Variants in MEF2A observed in about 807,000 individuals in gnomAD.
MEF2A encodes the protein myocyte enhancer factor 2A.
MEF2A carries 28 observed loss-of-function variants against 55.8 expected under a neutral mutation model. The ratio of observed to expected loss-of-function variants is 0.50; its 90% CI spans 0.37 to 0.69. MEF2A has a LOEUF of 0.69. Ranked by LOEUF, MEF2A falls within the 30% of genes least tolerant of loss-of-function variation. The pLI is 0.00. For missense variants in MEF2A, 528 were observed against 626.2 expected, an observed-to-expected ratio of 0.84 and a Z score of 1.67; for synonymous variants, 239 against 227.1, an observed-to-expected ratio of 1.05 and a Z score of -0.47.
chr15:99,640,001 C>T (rs1398997555), intron 3 of MEF2A, among the ~76,000 whole-genome samples: 2 of 152,074 alleles, frequency 1.3e-5, no homozygotes, highest in African/African-American at 2.4e-5. Flanking sequence ...CGGGACTTAC[C>T]ATAGTGTTGT....
chr15:99,619,100 A>C (rs978890595), intron 2 of MEF2A, among the ~76,000 whole-genome samples: 2 of 152,178 alleles, frequency 1.3e-5, no homozygotes, highest in African/African-American at 4.8e-5. Flanking sequence ...CCAGGCTGTG[A>C]GAGCGGTGGT....
intron 7 of MEF2A, 142 bp from the exon 8 acceptor site, chr15:99,690,099 T>C: frequency 1.3e-6 from 1 of 752,184 alleles, no homozygotes; most frequent in Non-Finnish European, 2.1e-6. Context: ...GTCCCAAGCA[T>C]TTCGGACAAG....
intron 2 of MEF2A, among the ~76,000 whole-genome samples, chr15:99,627,559 C>T (rs1287167120): frequency 6.7e-6 from 1 of 149,990 alleles, no homozygotes; most frequent in Non-Finnish European, 1.5e-5. Flanking sequence ...ATTTTTACAT[C>T]ACAAAACTCA....
chr15:99,645,474 G>A, intron 3 of MEF2A, 87 bp from the exon 4 acceptor site: 2 of 987,892 alleles, frequency 2.0e-6, no homozygotes, highest in Non-Finnish European at 1.5e-6. Flanking sequence ...ATCTGGCTCA[G>A]TATTAAGAAG....
chr15:99,678,570 G>A (rs2052569869), intron 7 of MEF2A: 3 of 703,162 alleles, frequency 4.3e-6, no homozygotes, highest in South Asian at 6.5e-5. Context: ...GTTTATAGGC[G>A]AGTCTTCCAT....
chr15:99,712,103 T>G lies in MEF2A; in HGVS notation c.1137-287T>G, dbSNP rs60066240. 0.22 allele frequency among the ~76,000 whole-genome samples: 33,734 copies of G among 152,198 alleles called. 4,435 individuals carry two copies. The highest frequency in any genetic ancestry group is 0.31 in the South Asian group (1,485 of 4,824). ...TGTCTTTCTGGTCCCTGCACAGCAT[T>G]AAGACACTGACATTGTTTTGTATAC... On this transcript the variant is annotated intron_variant, in intron 11 of 11. Transcript: ENST00000557942. This position sits in a 1 kb window ranked among gnomAD's most constrained non-coding sequence, Gnocchi z 4.1.
At chr15:99,597,289 G>GC (rs1205184646) in intron 1 of MEF2A, among the ~76,000 whole-genome samples, 3 of 152,170 alleles carry the variant, frequency 2.0e-5, no homozygotes, top group South Asian at 2.1e-4. Context: ...CTCTGAACTG[G>GC]CCCCCCGGGT....
At chr15:99,699,307 G>T (rs2057008877) in intron 8 of MEF2A, among the ~76,000 whole-genome samples, 1 of 152,196 alleles carries the variant, frequency 6.6e-6, no homozygotes, top group African/African-American at 2.4e-5. Flanking sequence ...AGTGAATTTT[G>T]CTAAGTAAAA....
chr15:99,631,409 T>A (rs746955067), intron 2 of MEF2A, among the ~76,000 whole-genome samples: 3 of 152,188 alleles, frequency 2.0e-5, no homozygotes, highest in Non-Finnish European at 4.4e-5. Context: ...CTCTAATGTT[T>A]CCTGTTCCCT....
chr15:99,644,311 A>G (rs1281515718), intron 3 of MEF2A, among the ~76,000 whole-genome samples: 2 of 152,374 alleles, frequency 1.3e-5, no homozygotes, highest in East Asian at 3.9e-4. Context: ...TTGAACTACT[A>G]TACCACTGTT....
At chr15:99,596,407 A>C (rs1459440744) in intron 1 of MEF2A, among the ~76,000 whole-genome samples, 3 of 152,146 alleles carry the variant, frequency 2.0e-5, no homozygotes, top group Non-Finnish European at 4.4e-5. Flanking sequence ...AAAAAAAAAA[A>C]ACTTGTTTAT....
At position 99,706,839 on chromosome 15, in the gene MEF2A, G is replaced by A. The variant is rs780683078; in HGVS notation, c.993G>A (p.Pro331=). 16 of 1,613,846 alleles carry A rather than the reference G, an allele frequency of 9.9e-6. No individual in the cohort carries two copies. The highest frequency in any genetic ancestry group is 5.0e-5 in the Admixed American group (3 of 60,000). The change falls in exon 10 of 12, where the codon CCG becomes CCA. Residue 331 remains proline (P), a synonymous_variant. Transcript: ENST00000557942. The part of the protein sequence containing the change: ...PPQGLVYSAM[P]TAYNTDYSLT... Reference sequence around the variant, plus strand: ...AAGGACTTGTGTACTCAGCAATGCCGACTGCCTACAACACTGGTGAGCCTG... The same window carrying A: ...AAGGACTTGTGTACTCAGCAATGCCAACTGCCTACAACACTGGTGAGCCTG...
At chr15:99,694,764 T>C (rs1037377177) in intron 8 of MEF2A, among the ~76,000 whole-genome samples, 1 of 152,232 alleles carries the variant, frequency 6.6e-6, no homozygotes, top group Non-Finnish European at 1.5e-5. Context: ...GAAGGATATC[T>C]ACATAAATTA....
chr15:99,645,318 T>C (rs1175856638), intron 3 of MEF2A, among the ~76,000 whole-genome samples: 1 of 151,974 alleles, frequency 6.6e-6, no homozygotes, highest in Non-Finnish European at 1.5e-5. Context: ...TGTAGTGGAG[T>C]GGCAGCCAAG....
At chr15:99,617,342 T>C (rs2040379484) in intron 2 of MEF2A, among the ~76,000 whole-genome samples, 1 of 151,972 alleles carries the variant, frequency 6.6e-6, no homozygotes, top group African/African-American at 2.4e-5. Context: ...TCATCTGGCA[T>C]TTTGACTTAG....
chr15:99,654,707 A>G (rs548022067), intron 4 of MEF2A, among the ~76,000 whole-genome samples: 1 of 152,128 alleles, frequency 6.6e-6, no homozygotes, highest in Middle Eastern at 3.4e-3. Flanking sequence ...TGGCTTTTTC[A>G]TGTCGATAAA....
chr15:99,569,782 A>G (rs888215139), intron 1 of MEF2A, among the ~76,000 whole-genome samples: 2 of 152,108 alleles, frequency 1.3e-5, no homozygotes, highest in Non-Finnish European at 2.9e-5. Flanking sequence ...AGGTTATTTT[A>G]ATATTTTAAA....
intron 1 of MEF2A, among the ~76,000 whole-genome samples, chr15:99,576,532 T>TA (rs1964322265): frequency 1.3e-5 from 2 of 152,178 alleles, no homozygotes; most frequent in Non-Finnish European, 2.9e-5. Flanking sequence ...CTGTATTTGT[T>TA]ATAATATTTT....
intron 2 of MEF2A, among the ~76,000 whole-genome samples, chr15:99,630,702 A>T (rs2042813192): frequency 6.6e-6 from 1 of 152,238 alleles, no homozygotes; most frequent in South Asian, 2.1e-4. Flanking sequence ...CAATAAGAGT[A>T]GTTGGCCCGG....
Sources: allele counts gnomAD v4.1 joint callset (sites outside exome capture counted in the v4.1 genomes callset), GRCh38; gene constraint gnomAD v4.1.1; non-coding constraint Gnocchi (gnomAD v3.1); transcripts MANE v1.5; gene names NCBI Gene and HGNC (gene_info 2026-07-23, HGNC 2026-07-21).